Variants in CATSPERB observed in about 807,000 individuals in gnomAD.
CATSPERB encodes the protein catsper channel auxiliary subunit beta.
Under a neutral mutation model 128.3 loss-of-function variants are expected in CATSPERB, and 93 were observed. The ratio of observed to expected loss-of-function variants is 0.72; its 90% CI spans 0.61 to 0.86. The LOEUF (loss-of-function observed/expected upper bound fraction) is 0.86. Among genes scored for constraint, CATSPERB ranks in the 40% least tolerant of loss-of-function variants. The pLI, the probability that CATSPERB is intolerant of heterozygous loss-of-function variation, is 0.00. For synonymous variants in CATSPERB, 381 were observed against 448.8 expected (o/e 0.85, Z 1.91); for missense variants, 1,153 against 1,329.5 (o/e 0.87, Z 2.06).
chr14:91,625,474 C>T (rs544843721), intron 17 of CATSPERB, among the ~76,000 whole-genome samples: 2 of 151,676 alleles, frequency 1.3e-5, no homozygotes, highest in African/African-American at 4.8e-5. Context: ...TGAGAAATGT[C>T]AATAAAAAAA....
chr14:91,660,421 A>C (rs1038075766), intron 14 of CATSPERB, among the ~76,000 whole-genome samples: 1 of 152,202 alleles, frequency 6.6e-6, no homozygotes, highest in Admixed American at 6.5e-5. Context: ...TTTGCATGGA[A>C]GAGCCCCTTG....
intron 5 of CATSPERB, among the ~76,000 whole-genome samples, chr14:91,708,683 G>A (rs143416077): frequency 1.3e-5 from 2 of 152,222 alleles, no homozygotes; most frequent in Admixed American, 1.3e-4. Flanking sequence ...AGAAAAAGAG[G>A]AGAAAAGCAA....
chr14:91,617,750 G>A lies in CATSPERB; in HGVS notation c.2261-14C>T, dbSNP rs778139722. 1.4e-4 allele frequency: 217 copies of A among 1,561,918 alleles called. No homozygotes were observed. The highest frequency in any genetic ancestry group is 1.9e-4 in the Non-Finnish European group (213 of 1,149,276). Reference sequence around the variant, plus strand: ...GCATTCGAAAACCTATGGAAACAAGGTTAACAGTTAATATTAGATAATGAA... The same window carrying A: ...GCATTCGAAAACCTATGGAAACAAGATTAACAGTTAATATTAGATAATGAA... On this transcript the variant is annotated splice_polypyrimidine_tract_variant and intron_variant, in intron 19 of 26. Coordinates refer to ENST00000256343, the MANE Select transcript of CATSPERB (RefSeq NM_024764.4).
chr14:91,722,029 C>G (rs1896042714), intron 4 of CATSPERB, among the ~76,000 whole-genome samples: 1 of 151,980 alleles, frequency 6.6e-6, no homozygotes, highest in African/African-American at 2.4e-5. Flanking sequence ...CAGCAAGACC[C>G]TGTCTCTAAA....
chr14:91,690,167 A>G (rs1165520669), intron 10 of CATSPERB, among the ~76,000 whole-genome samples: 3 of 151,862 alleles, frequency 2.0e-5, no homozygotes, highest in African/African-American at 7.3e-5. Flanking sequence ...TAATTTTTGT[A>G]TTTTCTGTAG....
At chr14:91,683,797 A>G in intron 11 of CATSPERB, 80 bp downstream of exon 11, 1 of 901,624 alleles carries the variant, frequency 1.1e-6, no homozygotes, top group Non-Finnish European at 1.7e-6. Flanking sequence ...TTAAAAGACC[A>G]TTCCAAAGGC....
In CATSPERB at chr14:91,713,422, G is replaced by A. The variant is rs116652182; in HGVS notation, c.371-5186C>T. 5.2e-3 allele frequency among the ~76,000 whole-genome samples: 798 copies of A among 152,120 alleles called. 7 individuals carry two copies. The highest frequency in any genetic ancestry group is 0.018 in the African/African-American group (746 of 41,512). On this transcript the variant is annotated intron_variant, in intron 5 of 26. Coordinates refer to ENST00000256343, the MANE Select transcript of CATSPERB (RefSeq NM_024764.4). ...GATGTCTCTTTGAAACATAAAAACCGATGAACCCTTGCAAGACTAATAATT... is the reference window on the plus strand; with the variant it reads ...GATGTCTCTTTGAAACATAAAAACCAATGAACCCTTGCAAGACTAATAATT...
In CATSPERB at chr14:91,609,806, T is replaced by C. The variant is rs555640814; in HGVS notation, c.2598+674A>G. Among the ~76,000 whole-genome samples the C allele has an allele frequency of 3.3e-5, 5 of 152,306 alleles. No homozygotes were observed. The South Asian group carries it at 8.3e-4, about 25-fold the overall frequency. ...CAGGCTGGAGTGCAGTGGCACCATC[T>C]CCGCTCACTGCAACCCCTGCCTCCC... is the stretch of plus-strand genomic sequence containing the variant. On this transcript the variant is annotated intron_variant, in intron 21 of 26. Transcript: ENST00000256343.
chr14:91,588,533 G>C (rs1006236337), intron 24 of CATSPERB, among the ~76,000 whole-genome samples: 1 of 152,122 alleles, frequency 6.6e-6, no homozygotes, highest in African/African-American at 2.4e-5. Context: ...TTTACAATGA[G>C]ATTACTTGAC....
intron 5 of CATSPERB, among the ~76,000 whole-genome samples, chr14:91,718,494 A>G (rs1259989263): frequency 6.6e-6 from 1 of 152,104 alleles, no homozygotes; most frequent in African/African-American, 2.4e-5. Flanking sequence ...CACTCTCCCA[A>G]TCCATATTTG....
chr14:91,639,509 G>A (rs1894450872), intron 15 of CATSPERB, among the ~76,000 whole-genome samples: 1 of 152,158 alleles, frequency 6.6e-6, no homozygotes, highest in South Asian at 2.1e-4. Flanking sequence ...AGATCTAGAG[G>A]AAAAGCGGTT....
intron 15 of CATSPERB, among the ~76,000 whole-genome samples, chr14:91,659,142 T>C (rs1894833938): frequency 6.6e-6 from 1 of 152,184 alleles, no homozygotes; most frequent in African/African-American, 2.4e-5. Flanking sequence ...ATATGTTATA[T>C]AGTTTAAAAT....
At chr14:91,722,968 AT>A (rs1319073413) in intron 4 of CATSPERB, 80 bp downstream of exon 4, 2 of 1,146,492 alleles carry the variant, frequency 1.7e-6, no homozygotes, top group Non-Finnish European at 2.3e-6. Context: ...TCAGCTACCT[AT>A]TTTTTAAAAA....
Position 91,723,204 on chromosome 14 carries a change from G to GAAAAA in CATSPERB, c.169-20_169-16dup. ...CACTGGATTTTCTTTAGGAAAGCAAGAAAAAAAAAAACAACTAATAACCAC... is the reference window on the plus strand; with the variant it reads ...CACTGGATTTTCTTTAGGAAAGCAAGAAAAAAAAAAAAAAAACAACTAATAACCAC... On this transcript the variant is annotated splice_polypyrimidine_tract_variant and intron_variant, in intron 3 of 26. Transcript: ENST00000256343. 3.9e-6 allele frequency: 5 copies of GAAAAA among 1,283,326 alleles called. No homozygotes were observed. The highest frequency in any genetic ancestry group is 2.9e-5 in the Admixed American group (1 of 34,216). The allele number at this position is 1,283,326 out of a possible 1,614,324, so 79.5% of individuals were successfully genotyped here. A position where few individuals can be genotyped will look rare whatever the true frequency, so the allele number is the denominator to read the frequency against.
chr14:91,622,773 C>T (rs1340719448), intron 18 of CATSPERB, among the ~76,000 whole-genome samples: 4 of 152,088 alleles, frequency 2.6e-5, no homozygotes, highest in Non-Finnish European at 4.4e-5. Flanking sequence ...GTAAAACTTC[C>T]TGAAAGAGTT....
chr14:91,726,319 C>G (rs528401003), intron 2 of CATSPERB, among the ~76,000 whole-genome samples: 3 of 152,324 alleles, frequency 2.0e-5, no homozygotes, highest in African/African-American at 7.2e-5. Context: ...GCCATGGAGC[C>G]AGAGCCCAGG....
At chr14:91,705,093 T>C (rs1895713459) in intron 6 of CATSPERB, among the ~76,000 whole-genome samples, 1 of 151,996 alleles carries the variant, frequency 6.6e-6, no homozygotes, top group Admixed American at 6.6e-5. Context: ...CCCACTGAAA[T>C]AGCAGTAGAT....
Position 91,608,378 on chromosome 14 carries a change from C to T in CATSPERB, c.2625G>A (p.Met875Ile), listed in dbSNP as rs902703489. 2 of 1,604,782 alleles carry T rather than the reference C, an allele frequency of 1.2e-6. No individual in the cohort carries two copies. The highest frequency in any genetic ancestry group is 1.7e-6 in the Non-Finnish European group (2 of 1,172,088). The stretch of plus-strand genomic sequence containing the variant: ...TATCTGTGAGTGGAATAGCAATTCC[C>T]ATATTAGATGGAGGCCTGTAGTTTA... ...LPINYRPPSN[M>I]GIAIPLTDNF... Residue 875 changes from methionine (M) to isoleucine (I), a missense_variant, in exon 22 of 27, where the codon ATG becomes ATA. Met to Ile is a conservative substitution (Grantham distance 10, BLOSUM62 1). Coordinates refer to ENST00000256343, the MANE Select transcript of CATSPERB (RefSeq NM_024764.4).
intron 13 of CATSPERB, among the ~76,000 whole-genome samples, chr14:91,671,828 G>C (rs974244069): frequency 2.0e-5 from 3 of 151,934 alleles, no homozygotes; most frequent in African/African-American, 7.3e-5. Context: ...TCAGGAGATC[G>C]AGACCACGGT....
Sources: gnomAD v4.1 joint callset for allele counts (sites outside exome capture counted in the v4.1 genomes callset) on GRCh38, gnomAD v4.1.1 for gene constraint, MANE v1.5 for transcripts, NCBI Gene and HGNC (gene_info 2026-07-23, HGNC 2026-07-21) for gene names.